PPP1R1C: variants seen among roughly 807,000 people sequenced by gnomAD.
PPP1R1C encodes protein phosphatase 1 regulatory subunit 1C.
In PPP1R1C, 15 loss-of-function variants were observed where a neutral mutation model predicts 17.4. That is an observed-to-expected ratio of 0.86 (90% CI 0.58 to 1.33). The LOEUF (loss-of-function observed/expected upper bound fraction) is 1.33, where lower values mean the gene tolerates loss of function less well. Among genes scored for constraint, PPP1R1C ranks in the 40% most tolerant of loss-of-function variants. PPP1R1C has a pLI of 0.00. For missense variants in PPP1R1C, 143 were observed against 130.0 expected, an observed-to-expected ratio of 1.10 and a Z score of -0.48; for synonymous variants, 35 against 43.1, an observed-to-expected ratio of 0.81 and a Z score of 0.73.
chr2:182,112,237 C>T (rs1362652884), intron 4 of PPP1R1C, among the ~76,000 whole-genome samples: 1 of 151,966 alleles, frequency 6.6e-6, no homozygotes, highest in African/African-American at 2.4e-5. Flanking sequence ...ACAGACTAGA[C>T]CACAATATTT....
chr2:181,987,849 G>A lies in PPP1R1C; in HGVS notation c.92G>A (p.Arg31Lys). 1 of 1,613,020 alleles carries A rather than the reference G, an allele frequency of 6.2e-7. No individual in the cohort carries two copies. Among genetic ancestry groups the A allele is most frequent in the Non-Finnish European group, 8.5e-7 (1 of 1,179,424 alleles). ...TTTTGTCGTTCACAGATCAGGAAAA[G>A]AAGACCTACACCAGCATCACTTGTG... ...APEAAEQIRKRRPTPASLVIL... is the reference protein window; with the variant it reads ...APEAAEQIRKKRPTPASLVIL... The change falls in exon 2 of 5, where the codon AGA becomes AAA. Residue 31 changes from arginine (R) to lysine (K), a missense_variant. By Grantham distance (26) the Arg-to-Lys change is conservative. Coordinates refer to ENST00000682840, the MANE Select transcript of PPP1R1C (RefSeq NM_001080545.3).
intron 5 of PPP1R1C, among the ~76,000 whole-genome samples, chr2:182,127,752 T>A (rs1285547156): frequency 6.6e-6 from 1 of 152,088 alleles, no homozygotes; most frequent in African/African-American, 2.4e-5. Flanking sequence ...CCTTGCCACA[T>A]CCCAGCTAAA....
intron 1 of PPP1R1C, chr2:181,954,756 C>T (rs540917518): frequency 6.6e-6 from 1 of 152,126 alleles, no homozygotes; most frequent in African/African-American, 2.4e-5. Context: ...CATTTTATTG[C>T]CATTTTACTG....
At chr2:181,958,389 C>A (rs1169312135) in intron 1 of PPP1R1C, among the ~76,000 whole-genome samples, 1 of 152,170 alleles carries the variant, frequency 6.6e-6, no homozygotes, top group Non-Finnish European at 1.5e-5. Flanking sequence ...CAAGGACAGT[C>A]CCCTTGGTTT....
chr2:182,090,289 C>CTGTGTGTG (rs142618201), intron 4 of PPP1R1C, among the ~76,000 whole-genome samples: 4,723 of 145,646 alleles, frequency 0.032, 138 homozygotes, highest in African/African-American at 0.079. Flanking sequence ...ACTATAAATT[C>CTGTGTGTG]TGTGTGTGTG....
chr2:182,120,657 A>T (rs1288772460), downstream of PPP1R1C, among the ~76,000 whole-genome samples: 1 of 152,166 alleles, frequency 6.6e-6, no homozygotes, highest in Non-Finnish European at 1.5e-5. Context: ...ATGCCCCTTG[A>T]GAGTATTTGA....
intron 2 of PPP1R1C, among the ~76,000 whole-genome samples, chr2:182,004,292 T>C (rs1264623834): frequency 1.3e-5 from 2 of 152,194 alleles, no homozygotes; most frequent in African/African-American, 4.8e-5. Flanking sequence ...TCCCTAGCAA[T>C]ACACAGATTT....
chr2:182,034,193 A>C (rs1686931520), intron 2 of PPP1R1C, among the ~76,000 whole-genome samples: 1 of 152,192 alleles, frequency 6.6e-6, no homozygotes, highest in South Asian at 2.1e-4. Flanking sequence ...TTTCTTATAC[A>C]TTGTGCTATT....
chr2:182,086,106 A>G (rs141777378), intron 4 of PPP1R1C, among the ~76,000 whole-genome samples: 160 of 152,276 alleles, frequency 1.1e-3, no homozygotes, highest in African/African-American at 3.4e-3. Context: ...GATTATAGAT[A>G]CCAAGAGGAA....
At chr2:182,037,809 T>C (rs1687058544) in intron 2 of PPP1R1C, among the ~76,000 whole-genome samples, 1 of 152,110 alleles carries the variant, frequency 6.6e-6, no homozygotes, top group Admixed American at 6.6e-5. Flanking sequence ...AAAATGTCAT[T>C]TCCTAGAAAC....
chr2:182,019,351 G>A (rs1244488336), intron 2 of PPP1R1C, among the ~76,000 whole-genome samples: 1 of 152,092 alleles, frequency 6.6e-6, no homozygotes, highest in Non-Finnish European at 1.5e-5. Flanking sequence ...CCCTTGGGTG[G>A]AGTATCACAT....
chr2:181,990,356 G>T (rs1685442056), intron 2 of PPP1R1C, among the ~76,000 whole-genome samples: 1 of 151,830 alleles, frequency 6.6e-6, no homozygotes, highest in Non-Finnish European at 1.5e-5. Flanking sequence ...GTGTTAGCCG[G>T]ATGGTCTCGA....
chr2:182,049,512 T>G (rs543598186), intron 2 of PPP1R1C, among the ~76,000 whole-genome samples: 22 of 152,074 alleles, frequency 1.4e-4, no homozygotes, highest in African/African-American at 5.3e-4. Context: ...GTTTGCAGCC[T>G]TGGCTGAATA....
chr2:182,089,062 T>C (rs140270933), intron 4 of PPP1R1C, among the ~76,000 whole-genome samples: 118 of 152,324 alleles, frequency 7.7e-4, no homozygotes, highest in Non-Finnish European at 1.5e-3. Flanking sequence ...AAACTGGCCC[T>C]GTGCAGGACC....
At chr2:182,076,192 C>CTTTTTTTTTTTTTTT (rs1688296764) in intron 4 of PPP1R1C, among the ~76,000 whole-genome samples, 2 of 25,836 alleles carry the variant, frequency 7.7e-5, no homozygotes, top group African/African-American at 1.6e-4. Flanking sequence ...TTTTTTTTTT[C>CTTTTTTTTTTTTTTT]TTTTCTTTTT....
rs1684698986 is a variant in PPP1R1C, at chr2:181,957,972, A to C, written n.111+3338A>C. 6.6e-6 allele frequency among the ~76,000 whole-genome samples: 1 copy of C among 152,244 alleles called. No individual in the cohort carries two copies. Among genetic ancestry groups the C allele is most frequent in the South Asian group, 2.1e-4 (1 of 4,838 alleles). Reference sequence around the variant, plus strand: ...GCTTAATTCCTAAGAGGGACTGAGTAATAATGAAAGTAGATTGAAGTATTT... The same window carrying C: ...GCTTAATTCCTAAGAGGGACTGAGTCATAATGAAAGTAGATTGAAGTATTT... On this transcript the variant is annotated intron_variant and non_coding_transcript_variant, in intron 1 of 5. Coordinates refer to the PPP1R1C transcript ENST00000464264. The surrounding 1 kb of genome is among the most constrained non-coding windows in gnomAD (Gnocchi z 4.2).
At chr2:182,002,562 G>T (rs1685797555) in intron 2 of PPP1R1C, among the ~76,000 whole-genome samples, 1 of 151,768 alleles carries the variant, frequency 6.6e-6, no homozygotes, top group Admixed American at 6.6e-5. Context: ...AAGATTCCTT[G>T]GGCTTAAAGT....
chr2:182,021,911 T>C (rs1276166218), intron 2 of PPP1R1C, among the ~76,000 whole-genome samples: 1 of 152,196 alleles, frequency 6.6e-6, no homozygotes, highest in East Asian at 1.9e-4. Context: ...TTGATACTTA[T>C]CTGTGAGGCA....
At chr2:182,075,316 A>G (rs1336294908) in intron 4 of PPP1R1C, among the ~76,000 whole-genome samples, 2 of 152,218 alleles carry the variant, frequency 1.3e-5, no homozygotes, top group Non-Finnish European at 2.9e-5. Context: ...TAATACCCAC[A>G]AGGCAACTCA....
Sources: gnomAD v4.1 joint callset for allele counts (sites outside exome capture counted in the v4.1 genomes callset) on GRCh38, gnomAD v4.1.1 for gene constraint, Gnocchi (gnomAD v3.1) non-coding constraint, MANE v1.5 for transcripts, NCBI Gene and HGNC (gene_info 2026-07-23, HGNC 2026-07-21) for gene names.